ARL15: variants seen among roughly 807,000 people sequenced by gnomAD.
ARL15 encodes ARF like GTPase 15.
In ARL15, 19 loss-of-function variants were observed where a neutral mutation model predicts 25.2. The observed-to-expected ratio is 0.75, with a 90% CI of 0.53 to 1.10. ARL15 has a LOEUF of 1.10. Ranked by LOEUF, ARL15 falls within the 50% of genes least tolerant of loss-of-function variation. ARL15 has a pLI of 0.00. For synonymous variants in ARL15, 94 were observed against 86.8 expected (o/e 1.08, Z -0.46); for missense variants, 220 against 246.0 (o/e 0.89, Z 0.71).
At position 54,012,525 on chromosome 5, in the gene ARL15, T is replaced by C. The variant is rs1375833047; in HGVS notation, c.462+100677A>G. On this transcript the variant is annotated intron_variant, in intron 4 of 4. Transcript: ENST00000504924. ...AAACAACAAAAAATAATATTTCTTT[T>C]CTTTTTTTTTTTTTTTGAGACGAGG... 6.6e-5 allele frequency among the ~76,000 whole-genome samples: 10 copies of C among 151,820 alleles called. No homozygotes were observed. The South Asian group carries it at 2.1e-3, about 32-fold the overall frequency.
intron 1 of ARL15, among the ~76,000 whole-genome samples, chr5:54,233,020 T>G (rs574940232): frequency 1.6e-4 from 25 of 152,312 alleles, no homozygotes; most frequent in African/African-American, 6.0e-4. Context: ...TTAACATTGA[T>G]GGAGAGAGTG....
At chr5:54,098,571 G>T (rs993306584) in intron 4 of ARL15, among the ~76,000 whole-genome samples, 1 of 151,988 alleles carries the variant, frequency 6.6e-6, no homozygotes, top group African/African-American at 2.4e-5. Context: ...CTGAGCGTGG[G>T]GTCACCCAGA....
chr5:54,228,952 G>A (rs1165301389), intron 1 of ARL15, among the ~76,000 whole-genome samples: 13 of 152,146 alleles, frequency 8.5e-5, no homozygotes, highest in Non-Finnish European at 2.9e-5. Flanking sequence ...AGCATGTTAA[G>A]GTGTCTGTGA....
At chr5:54,136,696 C>A (rs572319736) in intron 3 of ARL15, among the ~76,000 whole-genome samples, 39 of 152,216 alleles carry the variant, frequency 2.6e-4, no homozygotes, top group Middle Eastern at 6.8e-3. Context: ...AAATGTTAAA[C>A]AAAACTCACA....
At chr5:53,933,636 CTG>C (rs143231250) in intron 4 of ARL15, among the ~76,000 whole-genome samples, 9,854 of 86,000 alleles carry the variant, frequency 0.11, 555 homozygotes, top group African/African-American at 0.22. Context: ...CAGAGCGAGA[CTG>C]TCTCAAAAAA....
At chr5:54,296,168 A>G (rs1758461375) in intron 1 of ARL15, among the ~76,000 whole-genome samples, 1 of 152,202 alleles carries the variant, frequency 6.6e-6, no homozygotes, top group Admixed American at 6.5e-5. Context: ...GTTACCCTAC[A>G]CTATGCGTAT....
At chr5:54,072,120 G>C (rs753809830) in intron 4 of ARL15, among the ~76,000 whole-genome samples, 1 of 152,014 alleles carries the variant, frequency 6.6e-6, no homozygotes, top group African/African-American at 2.4e-5. Context: ...CTGACACTGG[G>C]CCAATTTTTG....
chr5:54,187,625 GT>G (rs1755277996), intron 1 of ARL15, among the ~76,000 whole-genome samples: 1 of 152,172 alleles, frequency 6.6e-6, no homozygotes, highest in Non-Finnish European at 1.5e-5. Flanking sequence ...GAGCAAACAT[GT>G]TTTGCCCTCT....
At chr5:53,994,476 TAAC>T (rs751526312) in intron 4 of ARL15, among the ~76,000 whole-genome samples, 16 of 152,374 alleles carry the variant, frequency 1.1e-4, no homozygotes, top group Admixed American at 1.3e-4. Flanking sequence ...TTTTGTTTTT[TAAC>T]AACAATTATC....
chr5:54,034,149 C>T (rs1271302430), intron 4 of ARL15, among the ~76,000 whole-genome samples: 3 of 152,128 alleles, frequency 2.0e-5, no homozygotes, highest in African/African-American at 7.2e-5. Flanking sequence ...ATTATTCCCC[C>T]AGAATATTTT....
chr5:53,901,836 C>G (rs1180396187), intron 4 of ARL15, among the ~76,000 whole-genome samples: 2 of 152,184 alleles, frequency 1.3e-5, no homozygotes, highest in African/African-American at 4.8e-5. Flanking sequence ...GATTATTCCT[C>G]CTTTGCCTTG....
intron 1 of ARL15, among the ~76,000 whole-genome samples, chr5:54,232,743 C>T (rs950061772): frequency 1.2e-4 from 19 of 152,162 alleles, no homozygotes; most frequent in Non-Finnish European, 2.6e-4. Flanking sequence ...CTTTTCTCCT[C>T]TGATTTCCTC....
intron 1 of ARL15, among the ~76,000 whole-genome samples, chr5:54,219,856 G>A (rs1389151801): frequency 6.6e-6 from 1 of 152,124 alleles, no homozygotes; most frequent in Non-Finnish European, 1.5e-5. Flanking sequence ...CAACCATATG[G>A]CAAAATCTAG....
At chr5:54,013,857 A>G (rs1349492296) in intron 4 of ARL15, among the ~76,000 whole-genome samples, 2 of 151,916 alleles carry the variant, frequency 1.3e-5, no homozygotes, top group Non-Finnish European at 2.9e-5. Flanking sequence ...CACCCAACAA[A>G]CTACCCTTGA....
intron 1 of ARL15, among the ~76,000 whole-genome samples, chr5:54,243,911 C>T (rs1328967982): frequency 1.3e-5 from 2 of 152,140 alleles, no homozygotes; most frequent in African/African-American, 2.4e-5. Flanking sequence ...GTGAGAGATT[C>T]GGACCAATCT....
intron 4 of ARL15, among the ~76,000 whole-genome samples, chr5:54,019,575 T>C (rs1249481988): frequency 6.6e-6 from 1 of 152,218 alleles, no homozygotes; most frequent in Non-Finnish European, 1.5e-5. Flanking sequence ...CTGAATTATC[T>C]CAATCTCTGA....
chr5:53,886,975 T>C (rs1744547891), intron 4 of ARL15, among the ~76,000 whole-genome samples: 3 of 151,898 alleles, frequency 2.0e-5, no homozygotes, highest in African/African-American at 4.8e-5. Flanking sequence ...GCGTGGGAGG[T>C]CTGATGAAGT....
intron 4 of ARL15, among the ~76,000 whole-genome samples, chr5:53,941,247 CA>C: frequency 6.6e-6 from 1 of 151,896 alleles, no homozygotes; most frequent in East Asian, 1.9e-4. Flanking sequence ...AAACCATGGC[CA>C]AATTCACAAT....
intron 4 of ARL15, among the ~76,000 whole-genome samples, chr5:53,953,546 G>A (rs1333904877): frequency 1.3e-5 from 2 of 152,250 alleles, no homozygotes; most frequent in East Asian, 3.9e-4. Flanking sequence ...TTAACCAACT[G>A]TAGTTGTGAT....
Sources: allele counts gnomAD v4.1 joint callset (sites outside exome capture counted in the v4.1 genomes callset), GRCh38; gene constraint gnomAD v4.1.1; transcripts MANE v1.5; gene names NCBI Gene and HGNC (gene_info 2026-07-23, HGNC 2026-07-21).